The following PUS7 variants were observed in gnomAD, a reference collection of about 807,000 sequenced individuals.
PUS7 encodes pseudouridylate synthase 7 homolog.
Under a neutral mutation model 79.8 loss-of-function variants are expected in PUS7, and 48 were observed. The ratio of observed to expected loss-of-function variants is 0.60; its 90% CI spans 0.48 to 0.76. The LOEUF is 0.76. Ranked by LOEUF, PUS7 falls within the 30% of genes least tolerant of loss-of-function variation. PUS7 has a pLI of 0.00. For missense variants in PUS7, 729 were observed against 797.6 expected, an observed-to-expected ratio of 0.91 and a Z score of 1.04; for synonymous variants, 286 against 272.2, an observed-to-expected ratio of 1.05 and a Z score of -0.50.
rs376431511 is a variant in PUS7, at chr7:105,459,252, C to T, written c.1765G>A (p.Val589Ile). The change falls in exon 15 of 16, where the codon GTT becomes ATT. Residue 589 changes from valine to isoleucine, a missense_variant. Coordinates refer to ENST00000469408, the MANE Select transcript of PUS7 (RefSeq NM_019042.5). Reference protein sequence around the residue: ...IRPQNVSWEVVAYDDPKIPLF... With the variant: ...IRPQNVSWEVIAYDDPKIPLF... Reference sequence around the variant, plus strand: ...GGAATTTTGGGATCATCATATGCAACGACTTCCCTTCAAAACATATGAATA... The same window carrying T: ...GGAATTTTGGGATCATCATATGCAATGACTTCCCTTCAAAACATATGAATA... The T allele has an allele frequency of 1.6e-5, 26 of 1,606,528 alleles. No homozygotes were observed. Among genetic ancestry groups the T allele is most frequent in the South Asian group, 2.2e-5 (2 of 90,546 alleles).
At chr7:105,470,640 G>A in intron 11 of PUS7, 48 bp downstream of exon 11, 2 of 1,487,610 alleles carry the variant, frequency 1.3e-6, no homozygotes, top group Non-Finnish European at 1.8e-6. Context: ...AATTTAAAAA[G>A]CATTAAAACG....
intron 14 of PUS7, among the ~76,000 whole-genome samples, chr7:105,461,641 G>A (rs1444649047): frequency 6.6e-6 from 1 of 152,202 alleles, no homozygotes; most frequent in East Asian, 1.9e-4. Context: ...TGTAAGCACT[G>A]AAAAAGTACA....
chr7:105,483,142 G>A (rs1175112201), intron 7 of PUS7, among the ~76,000 whole-genome samples: 1 of 151,378 alleles, frequency 6.6e-6, no homozygotes. Flanking sequence ...TATCTCTAGT[G>A]TCACCACTAA....
chr7:105,483,919 G>C (rs556166641), intron 7 of PUS7, among the ~76,000 whole-genome samples: 3 of 152,306 alleles, frequency 2.0e-5, no homozygotes, highest in South Asian at 4.1e-4. Context: ...GCCCTTAGAA[G>C]AATCCAGGCC....
At position 105,460,215 on chromosome 7, in the gene PUS7, G is replaced by C. The variant is rs1823364715; in HGVS notation, c.1758-956C>G. Among the ~76,000 whole-genome samples the C allele has an allele frequency of 1.3e-5, 2 of 152,038 alleles. 1 individual carries two copies. The highest frequency in any genetic ancestry group is 4.1e-4 in the South Asian group (2 of 4,828). On this transcript the variant is annotated intron_variant, in intron 14 of 15. Coordinates refer to ENST00000469408, the MANE Select transcript of PUS7 (RefSeq NM_019042.5). Reference sequence around the variant, plus strand: ...GGCCTCCCAAAGTGCTGGGATTACAGGCGTGAGCCACCGTGCCCAGCCGAC... The same window carrying C: ...GGCCTCCCAAAGTGCTGGGATTACACGCGTGAGCCACCGTGCCCAGCCGAC...
At position 105,462,655 on chromosome 7, in the gene PUS7, G is replaced by A. The variant is rs764448645; in HGVS notation, c.1723C>T (p.Arg575Ter). ...IRDYSLSGAY[R>*]KIIIRPQNVS... is the part of the protein sequence containing the mutation. Reference sequence around the variant, plus strand: ...TTCTGAGGACGAATAATGATCTTTCGGTAGGCCCCTGACAAGGAATAATCT... The same window carrying A: ...TTCTGAGGACGAATAATGATCTTTCAGTAGGCCCCTGACAAGGAATAATCT... The change falls in exon 14 of 16, where the codon CGA becomes TGA. Residue 575 changes from arginine to a stop codon, truncating the protein, a stop_gained. Coordinates refer to ENST00000469408, the MANE Select transcript of PUS7 (RefSeq NM_019042.5). LOFTEE classifies it high-confidence loss of function. The A allele has an allele frequency of 1.9e-6, 3 of 1,613,594 alleles. No individual in the cohort carries two copies. Among genetic ancestry groups the A allele is most frequent in the Non-Finnish European group, 2.5e-6 (3 of 1,179,890 alleles).
chr7:105,464,816 T>A, intron 13 of PUS7, among the ~76,000 whole-genome samples: 1 of 4,800 alleles, frequency 2.1e-4, no homozygotes, highest in African/African-American at 2.7e-4. Context: ...CTCTTCCCTT[T>A]TTTTTTTTTT....
rs1823246636 is a variant in PUS7, at chr7:105,457,787, T to C, written c.*3A>G. The C allele has an allele frequency of 1.2e-6, 2 of 1,613,730 alleles. No individual in the cohort carries two copies. The highest frequency in any genetic ancestry group is 1.3e-5 in the African/African-American group (1 of 74,948). ...GTTTTCTAATCTGTGGACAAGGTACTGCTCAGCGAAGCCAGGTTGTATTCA... is the reference window on the plus strand; with the variant it reads ...GTTTTCTAATCTGTGGACAAGGTACCGCTCAGCGAAGCCAGGTTGTATTCA... On this transcript the variant is annotated 3_prime_UTR_variant, in exon 16 of 16. Coordinates refer to ENST00000469408, the MANE Select transcript of PUS7 (RefSeq NM_019042.5).
intron 5 of PUS7, among the ~76,000 whole-genome samples, chr7:105,496,741 T>G (rs1825051660): frequency 7.0e-6 from 1 of 143,142 alleles, no homozygotes. Context: ...AATATGTGAG[T>G]TTTTTCTGTC....
At chr7:105,512,518 G>C (rs901903551) in intron 1 of PUS7, among the ~76,000 whole-genome samples, 7 of 152,186 alleles carry the variant, frequency 4.6e-5, no homozygotes, top group Admixed American at 4.6e-4. Flanking sequence ...GGAAGAGGAA[G>C]GAAAAGCAGG....
chr7:105,462,471 T>A, intron 14 of PUS7, 150 bp downstream of exon 14: 2 of 818,052 alleles, frequency 2.4e-6, no homozygotes, highest in Non-Finnish European at 1.8e-6. Context: ...AGTAAAAATA[T>A]GGTGTTATAA....
intron 14 of PUS7, among the ~76,000 whole-genome samples, chr7:105,461,042 A>G (rs1340968087): frequency 6.6e-6 from 1 of 151,982 alleles, no homozygotes; most frequent in Non-Finnish European, 1.5e-5. Flanking sequence ...TAATTTTTGT[A>G]ATTTTTTGTA....
intron 6 of PUS7, 73 bp from the exon 7 acceptor site, chr7:105,491,690 T>G: frequency 1.1e-6 from 1 of 881,148 alleles, no homozygotes. Flanking sequence ...TTCTCATAAT[T>G]TAAGTTTTAA....
At chr7:105,502,182 A>G (rs1047642910) in intron 5 of PUS7, among the ~76,000 whole-genome samples, 1 of 152,120 alleles carries the variant, frequency 6.6e-6, no homozygotes, top group African/African-American at 2.4e-5. Flanking sequence ...AGGCACTACT[A>G]TAATTTCAGC....
At chr7:105,474,312 G>A (rs539561693) in intron 9 of PUS7, among the ~76,000 whole-genome samples, 1 of 152,258 alleles carries the variant, frequency 6.6e-6, no homozygotes, top group South Asian at 2.1e-4. Context: ...CACCACCACA[G>A]TCCTGGAACA....
intron 9 of PUS7, among the ~76,000 whole-genome samples, chr7:105,478,392 G>C (rs73415586): frequency 0.02 from 3,021 of 152,228 alleles, 103 homozygotes; most frequent in African/African-American, 0.068. Flanking sequence ...GGAACTGTCA[G>C]ACTATTTTCC....
chr7:105,480,123 C>T (rs1451265147), intron 9 of PUS7, among the ~76,000 whole-genome samples: 1 of 152,196 alleles, frequency 6.6e-6, no homozygotes, highest in Non-Finnish European at 1.5e-5. Flanking sequence ...CTGAGTTACC[C>T]AACAGATTAC....
At chr7:105,505,704 T>C (rs1317132086) in intron 4 of PUS7, among the ~76,000 whole-genome samples, 1 of 152,196 alleles carries the variant, frequency 6.6e-6, no homozygotes, top group Non-Finnish European at 1.5e-5. Flanking sequence ...GACTTTGGAA[T>C]AGCATGTAAC....
At chr7:105,480,198 G>A (rs746556727) in intron 9 of PUS7, among the ~76,000 whole-genome samples, 2 of 151,946 alleles carry the variant, frequency 1.3e-5, no homozygotes, top group Non-Finnish European at 2.9e-5. Flanking sequence ...AGGGCTGGGC[G>A]TAGTGGCTCA....
Sources: allele counts gnomAD v4.1 joint callset (sites outside exome capture counted in the v4.1 genomes callset), GRCh38; gene constraint gnomAD v4.1.1; transcripts MANE v1.5; gene names NCBI Gene and HGNC (gene_info 2026-07-23, HGNC 2026-07-21).